FOXP2: variants seen among roughly 807,000 people sequenced by gnomAD.
The protein encoded by FOXP2 is forkhead box protein P2.
In FOXP2, 12 loss-of-function variants were observed where a neutral mutation model predicts 115.8. The ratio of observed to expected loss-of-function variants is 0.10; its 90% CI spans 0.07 to 0.17. The LOEUF is 0.17. FOXP2 is among the 10% of genes least tolerant of loss of function. The probability of loss-of-function intolerance (pLI) is 1.00; values close to 1 mark genes in which losing one functional copy is unlikely to be tolerated. For missense variants in FOXP2, 629 were observed against 843.5 expected, an observed-to-expected ratio of 0.75 and a Z score of 3.15; for synonymous variants, 328 against 297.7, an observed-to-expected ratio of 1.10 and a Z score of -1.05.
chr7:114,452,682 G>T (rs1176215166), intron 2 of FOXP2, among the ~76,000 whole-genome samples: 1 of 152,084 alleles, frequency 6.6e-6, no homozygotes, highest in Admixed American at 6.6e-5. Flanking sequence ...GAAAAGTATA[G>T]TTGATAGCAG....
At chr7:114,686,404 C>A (rs1343941424) in intron 16 of FOXP2, among the ~76,000 whole-genome samples, 3 of 152,152 alleles carry the variant, frequency 2.0e-5, no homozygotes, top group African/African-American at 7.2e-5. Context: ...AACCCCTGAC[C>A]TCAAGTGATC....
chr7:114,402,868 G>A (rs1416598426), intron 2 of FOXP2, among the ~76,000 whole-genome samples: 2 of 151,930 alleles, frequency 1.3e-5, no homozygotes, highest in Non-Finnish European at 2.9e-5. Context: ...CAAACTCCTG[G>A]CCTCAAGTCC....
rs531490897 is a variant in FOXP2 at position 114,113,244 on chromosome 7, G to A, written c.-247+25406G>A. ...AAAAAAAGACCAAATGTGAAATAGA[G>A]TATAAAGACCTCTAGGAGAACTATG... On this transcript the variant is annotated intron_variant, in intron 1 of 19. Coordinates refer to the FOXP2 transcript ENST00000635638. 3.9e-5 allele frequency among the ~76,000 whole-genome samples: 6 copies of A among 152,218 alleles called. No homozygotes were observed. In the East Asian group the frequency reaches 9.6e-4, roughly 24 times the overall value.
chr7:114,152,656 T>C (rs976159800), intron 1 of FOXP2, among the ~76,000 whole-genome samples: 2 of 152,146 alleles, frequency 1.3e-5, no homozygotes, highest in African/African-American at 4.8e-5. Context: ...ATTTCTGTTG[T>C]GTAGTCAAGG....
chr7:114,277,275 C>T (rs1260004781), intron 1 of FOXP2, among the ~76,000 whole-genome samples: 1 of 152,034 alleles, frequency 6.6e-6, no homozygotes, highest in East Asian at 1.9e-4. Context: ...AAAAGGGTAT[C>T]CCCAAAACAA....
chr7:114,612,817 C>G (rs1803705396), intron 3 of FOXP2, among the ~76,000 whole-genome samples: 1 of 152,106 alleles, frequency 6.6e-6, no homozygotes, highest in African/African-American at 2.4e-5. Flanking sequence ...CCATAGTGTT[C>G]TTGAAGCGAT....
At chr7:114,361,343 C>A (rs755801729) in intron 2 of FOXP2, among the ~76,000 whole-genome samples, 20 of 151,810 alleles carry the variant, frequency 1.3e-4, no homozygotes, top group Non-Finnish European at 2.2e-4. Flanking sequence ...TTCTTCTAAC[C>A]AATATAAAAG....
At chr7:114,191,096 G>A (rs1471472988) in intron 1 of FOXP2, among the ~76,000 whole-genome samples, 4 of 152,142 alleles carry the variant, frequency 2.6e-5, no homozygotes, top group African/African-American at 7.2e-5. Context: ...TATAACTCAC[G>A]TATTAGCATT....
intron 6 of FOXP2, 26 bp downstream of exon 6, chr7:114,631,731 TC>T: frequency 1.9e-6 from 3 of 1,610,356 alleles, no homozygotes; most frequent in Non-Finnish European, 2.5e-6. Flanking sequence ...TGTGCACTCT[TC>T]ATTTCAAATC....
At chr7:114,336,178 T>A (rs1426953792) in intron 2 of FOXP2, among the ~76,000 whole-genome samples, 1 of 151,518 alleles carries the variant, frequency 6.6e-6, no homozygotes, top group Non-Finnish European at 1.5e-5. Flanking sequence ...TTATATTTGT[T>A]TTAATATGAC....
At chr7:114,266,810 C>T (rs1795906524) in intron 1 of FOXP2, among the ~76,000 whole-genome samples, 1 of 152,130 alleles carries the variant, frequency 6.6e-6, no homozygotes, top group African/African-American at 2.4e-5. Context: ...ACACTCAGTA[C>T]TTATTTGTTT....
chr7:114,426,767 G>A, intron 2 of FOXP2, 88 bp downstream of exon 2: 1 of 1,338,252 alleles, frequency 7.5e-7, no homozygotes, highest in Non-Finnish European at 1.1e-6. Flanking sequence ...AACTGAGCAT[G>A]TTGTGTTAAG....
chr7:114,305,458 A>G (rs1001956967), intron 2 of FOXP2, among the ~76,000 whole-genome samples: 2 of 152,170 alleles, frequency 1.3e-5, no homozygotes, highest in Non-Finnish European at 2.9e-5. Context: ...AAAATTCTGT[A>G]ACAGAGAAAT....
At chr7:114,165,095 G>A (rs1168487385) in intron 1 of FOXP2, among the ~76,000 whole-genome samples, 1 of 152,096 alleles carries the variant, frequency 6.6e-6, no homozygotes, top group Non-Finnish European at 1.5e-5. Context: ...TGAGGTGGAG[G>A]TTCCAGAATT....
At chr7:114,536,375 G>T (rs1287107363) in intron 3 of FOXP2, among the ~76,000 whole-genome samples, 1 of 148,676 alleles carries the variant, frequency 6.7e-6, no homozygotes, top group East Asian at 2.0e-4. Context: ...GGAAAGAATG[G>T]CTGGGCTTTA....
intron 1 of FOXP2, among the ~76,000 whole-genome samples, chr7:114,259,966 T>A (rs969520801): frequency 1.1e-4 from 16 of 152,144 alleles, no homozygotes; most frequent in African/African-American, 1.7e-4. Flanking sequence ...CTCAGCTCAC[T>A]GCAACCTCCA....
At chr7:114,572,111 A>G (rs1801335529) in intron 3 of FOXP2, among the ~76,000 whole-genome samples, 1 of 151,858 alleles carries the variant, frequency 6.6e-6, no homozygotes. Context: ...TGTTTTCAAT[A>G]AAAATAGTGT....
chr7:114,585,531 C>T (rs537149794), intron 3 of FOXP2, among the ~76,000 whole-genome samples: 2 of 149,316 alleles, frequency 1.3e-5, no homozygotes, highest in African/African-American at 4.9e-5. Flanking sequence ...AATTTATGCT[C>T]ATTAAAATTT....
chr7:114,466,792 A>G (rs1287229313), intron 2 of FOXP2, among the ~76,000 whole-genome samples: 1 of 152,230 alleles, frequency 6.6e-6, no homozygotes, highest in Non-Finnish European at 1.5e-5. Flanking sequence ...CATGTTTTAT[A>G]TGAATGACAC....
Sources: allele counts gnomAD v4.1 joint callset (sites outside exome capture counted in the v4.1 genomes callset), GRCh38; gene constraint gnomAD v4.1.1; transcripts MANE v1.5; gene names NCBI Gene and HGNC (gene_info 2026-07-23, HGNC 2026-07-21).